Variants in KLHDC10 observed in about 807,000 individuals in gnomAD.
KLHDC10 encodes the protein kelch domain containing 10.
In KLHDC10, 24 loss-of-function variants were observed where a neutral mutation model predicts 56.1. That is an observed-to-expected ratio of 0.43 (90% CI 0.31 to 0.60). The LOEUF is 0.60. Among genes scored for constraint, KLHDC10 ranks in the 20% least tolerant of loss-of-function variants. The pLI is 0.11. For synonymous variants in KLHDC10, 188 were observed against 207.1 expected (o/e 0.91, Z 0.79); for missense variants, 349 against 567.0 (o/e 0.62, Z 3.91).
chr7:130,129,809 C>G (rs142938025), intron 9 of KLHDC10, among the ~76,000 whole-genome samples: 10 of 152,126 alleles, frequency 6.6e-5, no homozygotes, highest in African/African-American at 2.4e-4. Flanking sequence ...TGTGGCATTC[C>G]GGCCCTGACC....
chr7:130,116,060 C>T lies in KLHDC10; in HGVS notation c.254-385C>T, dbSNP rs1192291136. On this transcript the variant is annotated intron_variant, in intron 2 of 9. Coordinates refer to ENST00000335420, the MANE Select transcript of KLHDC10 (RefSeq NM_014997.4). This position sits in a 1 kb window ranked among gnomAD's most constrained non-coding sequence, Gnocchi z 4.8. ...AATATTCACAGTTTAATTTAGTTGGCCTGTGTTTTTTTCTCCTCTAAGGAA... is the reference window on the plus strand; with the variant it reads ...AATATTCACAGTTTAATTTAGTTGGTCTGTGTTTTTTTCTCCTCTAAGGAA... 1.3e-5 allele frequency among the ~76,000 whole-genome samples: 2 copies of T among 151,980 alleles called. No homozygotes were observed. Among genetic ancestry groups the T allele is most frequent in the African/African-American group, 4.8e-5 (2 of 41,382 alleles).
intron 2 of KLHDC10, among the ~76,000 whole-genome samples, chr7:130,103,387 T>C (rs2116880205): frequency 6.9e-6 from 1 of 145,700 alleles, no homozygotes; most frequent in African/African-American, 2.6e-5. Context: ...ATCATGTCAC[T>C]GCACTCCAGC....
intron 8 of KLHDC10, among the ~76,000 whole-genome samples, chr7:130,128,302 T>A (rs1359266580): frequency 6.6e-6 from 1 of 152,246 alleles, no homozygotes; most frequent in Non-Finnish European, 1.5e-5. Flanking sequence ...GGCTTAAACT[T>A]GGTCTAGACC....
Position 130,130,337 on chromosome 7 carries a change from C to CATATATATATATATATATATAT in KLHDC10, c.1120-183_1120-182insTATATATATATATATATATATA, listed in dbSNP as rs72380761. 3.1e-4 allele frequency among the ~76,000 whole-genome samples: 43 copies of CATATATATATATATATATATAT among 140,826 alleles called. No homozygotes were observed. The highest frequency in any genetic ancestry group is 1.1e-3 in the African/African-American group (42 of 36,952). 92.4% of individuals were successfully genotyped at this position (140,826 alleles called of 152,430 possible). On this transcript the variant is annotated intron_variant, in intron 9 of 9. Coordinates refer to ENST00000335420, the MANE Select transcript of KLHDC10 (RefSeq NM_014997.4). The surrounding 1 kb of genome is among the most constrained non-coding windows in gnomAD (Gnocchi z 4.2). ...ACTCTGTCTCAAAAAAAAAAAAAAT[C>CATATATATATATATATATATAT]ATATATATATATATATAGTTTTTCC...
At chr7:130,103,792 T>C (rs928305370) in intron 2 of KLHDC10, among the ~76,000 whole-genome samples, 1 of 151,946 alleles carries the variant, frequency 6.6e-6, no homozygotes, top group African/African-American at 2.4e-5. Flanking sequence ...TGTACTCTGG[T>C]AAAATGAAAA....
chr7:130,104,223 G>T (rs1795978240), intron 2 of KLHDC10, among the ~76,000 whole-genome samples: 1 of 152,204 alleles, frequency 6.6e-6, no homozygotes, highest in African/African-American at 2.4e-5. Context: ...AGTTGGGCTT[G>T]CTGTCTCAGG....
intron 3 of KLHDC10, among the ~76,000 whole-genome samples, chr7:130,118,294 T>C (rs1280623334): frequency 6.6e-6 from 1 of 152,270 alleles, no homozygotes; most frequent in East Asian, 1.9e-4. Context: ...TTTGTACTTT[T>C]ATGTTATGGA....
In KLHDC10 at chr7:130,079,928, C is replaced by CCTCCCTCCCTCCCTTCCTCCCTT. The variant is rs1563096356; in HGVS notation, c.166+9119_166+9120insCTCCCTCCCTCCCTTCCTCCCTT. The stretch of plus-strand genomic sequence containing the variant: ...TCCCTCCCTCCCTTCCTCCCTTTCT[C>CCTCCCTCCCTCCCTTCCTCCCTT]GCTTCCTCCTTCCCTCCCTTCCTCC... On this transcript the variant is annotated intron_variant, in intron 1 of 9. Coordinates refer to ENST00000335420, the MANE Select transcript of KLHDC10 (RefSeq NM_014997.4). Among the ~76,000 whole-genome samples the CCTCCCTCCCTCCCTTCCTCCCTT allele has an allele frequency of 5.9e-4, 41 of 69,378 alleles. 1 individual carries two copies. The highest frequency in any genetic ancestry group is 2.8e-3 in the African/African-American group (35 of 12,704). 45.5% of individuals were successfully genotyped at this position (69,378 alleles called of 152,430 possible).
chr7:130,110,820 C>CATT (rs1265616831), intron 2 of KLHDC10, among the ~76,000 whole-genome samples: 2 of 152,094 alleles, frequency 1.3e-5, no homozygotes, highest in African/African-American at 4.8e-5. Flanking sequence ...CACAAATGTT[C>CATT]ATTAGCACAT....
In KLHDC10 at chr7:130,134,430, A is replaced by G. The variant is rs1796441073; in HGVS notation, c.*3684A>G. The G allele has an allele frequency of 6.6e-6, 1 of 152,194 alleles. No homozygotes were observed. Among genetic ancestry groups the G allele is most frequent in the Non-Finnish European group, 1.5e-5 (1 of 68,026 alleles). 9.4% of individuals were successfully genotyped at this position (152,194 alleles called of 1,614,324 possible). On this transcript the variant is annotated 3_prime_UTR_variant, in exon 10 of 10. Transcript: ENST00000335420. ...CTCTAACCACCAAAGAACTCTTAGT[A>G]CCTACGGGAAGGAAAAGCTGTGTGC...
At chr7:130,117,870 A>AAG (rs1796190030) in intron 3 of KLHDC10, among the ~76,000 whole-genome samples, 2 of 145,068 alleles carry the variant, frequency 1.4e-5, no homozygotes, top group African/African-American at 5.4e-5. Context: ...AAAAAAAAAA[A>AAG]AAAAGAAAAA....
chr7:130,071,249 G>C (rs943510858), intron 1 of KLHDC10, among the ~76,000 whole-genome samples: 1 of 152,230 alleles, frequency 6.6e-6, no homozygotes, highest in Non-Finnish European at 1.5e-5. Context: ...ACTACACGGG[G>C]CGTGTGTGTA....
rs1796173801 is a variant in KLHDC10, at chr7:130,116,730, C to G, written c.475+64C>G. On this transcript the variant is annotated intron_variant, in intron 3 of 9. Coordinates refer to ENST00000335420, the MANE Select transcript of KLHDC10 (RefSeq NM_014997.4). This position sits in a 1 kb window ranked among gnomAD's most constrained non-coding sequence, Gnocchi z 4.8. ...TGTCTGAGAAGCCAGGTTCAATGTC[C>G]CATATTCCTCATTAATAATTTATAA... is the stretch of plus-strand genomic sequence containing the variant. 1.6e-6 allele frequency: 2 copies of G among 1,255,978 alleles called. No homozygotes were observed. The highest frequency in any genetic ancestry group is 1.2e-6 in the Non-Finnish European group (1 of 857,614). The allele number at this position is 1,255,978 out of a possible 1,614,324, so 77.8% of individuals were successfully genotyped here.
At position 130,122,152 on chromosome 7, in the gene KLHDC10, G is replaced by A. The variant is rs1297085721; in HGVS notation, c.729G>A (p.Glu243=). The change falls in exon 5 of 10, where the codon GAG becomes GAA. Residue 243 remains glutamate, a synonymous_variant. Coordinates refer to ENST00000335420, the MANE Select transcript of KLHDC10 (RefSeq NM_014997.4). ...DLHKLDLNTR[E]WTQLKPNNLS... ...ACAAGTTAGATCTCAATACCAGAGA[G>A]TGGACACAACTGAAACCAAACAACC... is the stretch of plus-strand genomic sequence containing the variant. 1 of 1,614,102 alleles carries A rather than the reference G, an allele frequency of 6.2e-7. No individual in the cohort carries two copies. Among genetic ancestry groups the A allele is most frequent in the Admixed American group, 1.7e-5 (1 of 60,012 alleles).
rs1796167813 is a variant in KLHDC10, at chr7:130,116,353, C to T, written c.254-92C>T. On this transcript the variant is annotated intron_variant, in intron 2 of 9. Coordinates refer to ENST00000335420, the MANE Select transcript of KLHDC10 (RefSeq NM_014997.4). The surrounding 1 kb of genome is among the most constrained non-coding windows in gnomAD (Gnocchi z 4.8). ...ATCCATGTTATAAATCCTTCCTGGT[C>T]CCCTTTTATGGCTAAAATGGTTGTT... The T allele has an allele frequency of 1.9e-5, 16 of 831,176 alleles. No individual in the cohort carries two copies. In the South Asian group the frequency reaches 2.5e-4, roughly 13 times the overall value. 51.5% of individuals were successfully genotyped at this position (831,176 alleles called of 1,614,324 possible).
Position 130,130,809 on chromosome 7 carries a change from G to T in KLHDC10, c.*63G>T. 2.0e-6 allele frequency: 3 copies of T among 1,488,676 alleles called. No individual in the cohort carries two copies. The highest frequency in any genetic ancestry group is 2.8e-6 in the Non-Finnish European group (3 of 1,066,992). 92.2% of individuals were successfully genotyped at this position (1,488,676 alleles called of 1,614,324 possible). On this transcript the variant is annotated 3_prime_UTR_variant, in exon 10 of 10. Transcript: ENST00000335420. The surrounding 1 kb of genome is among the most constrained non-coding windows in gnomAD (Gnocchi z 4.2). ...TTTAAAGAGACTCCTTTATTTATGG[G>T]CAGTGTAGAATGTGCTACAAAGAGG...
At chr7:130,088,278 C>T (rs116752556) in intron 1 of KLHDC10, among the ~76,000 whole-genome samples, 76 of 151,470 alleles carry the variant, frequency 5.0e-4, no homozygotes, top group African/African-American at 1.7e-3. Flanking sequence ...GTTGTGTCTT[C>T]ACCTTTTTTT....
At chr7:130,118,256 G>C (rs918309558) in intron 3 of KLHDC10, among the ~76,000 whole-genome samples, 1 of 152,228 alleles carries the variant, frequency 6.6e-6, no homozygotes, top group Non-Finnish European at 1.5e-5. Context: ...ACTTGCTGTA[G>C]CTTCTGCATC....
At chr7:130,095,315 C>G (rs868107942) in intron 1 of KLHDC10, among the ~76,000 whole-genome samples, 1 of 151,932 alleles carries the variant, frequency 6.6e-6, no homozygotes, top group Non-Finnish European at 1.5e-5. Flanking sequence ...AACCAACTAC[C>G]ATTTTCTTAT....
Sources: gnomAD v4.1 joint callset for allele counts (sites outside exome capture counted in the v4.1 genomes callset) on GRCh38, gnomAD v4.1.1 for gene constraint, Gnocchi (gnomAD v3.1) non-coding constraint, MANE v1.5 for transcripts, NCBI Gene and HGNC (gene_info 2026-07-23, HGNC 2026-07-21) for gene names.